FOXJ2: variants seen among roughly 807,000 people sequenced by gnomAD.
FOXJ2 encodes forkhead box protein J2.
A neutral mutation model predicts 68.4 loss-of-function variants in FOXJ2; 18 were observed. That is an observed-to-expected ratio of 0.26 (90% CI 0.18 to 0.39). The LOEUF (loss-of-function observed/expected upper bound fraction) is 0.39, where lower values mean the gene tolerates loss of function less well. FOXJ2 is among the 10% of genes least tolerant of loss of function. FOXJ2 has a pLI of 1.00. For synonymous variants in FOXJ2, 274 were observed against 263.2 expected (o/e 1.04, Z -0.40); for missense variants, 670 against 726.5 (o/e 0.92, Z 0.89).
intron 6 of FOXJ2, 117 bp from the exon 7 acceptor site, chr12:8,047,765 C>G (rs759810995): frequency 1.5e-6 from 2 of 1,341,714 alleles, no homozygotes; most frequent in Non-Finnish European, 2.0e-6. Flanking sequence ...CTAGAATGTT[C>G]TTACCCTTTT....
rs1258424689 is a variant in FOXJ2, at chr12:8,038,838, G to A, written c.-14-981G>A. On this transcript the variant is annotated intron_variant, in intron 1 of 10. Coordinates refer to ENST00000162391, the MANE Select transcript of FOXJ2 (RefSeq NM_018416.3). This position sits in a 1 kb window ranked among gnomAD's most constrained non-coding sequence, Gnocchi z 5.3. ...GTTTGCATGGAGGTGCAGCGAGCGT[G>A]CCTGCCTGGCTGGGAAGGAAGGAGG... is the stretch of plus-strand genomic sequence containing the variant. Among the ~76,000 whole-genome samples, 1 of 152,246 alleles carries A rather than the reference G, an allele frequency of 6.6e-6. No individual in the cohort carries two copies. Among genetic ancestry groups the A allele is most frequent in the Non-Finnish European group, 1.5e-5 (1 of 68,036 alleles).
At position 8,040,808 on chromosome 12, in the gene FOXJ2, T is replaced by C. The variant is rs1035562074; in HGVS notation, c.333+643T>C. ...CCATTCTACGATGTTCCAGTCACTG[T>C]GCAAGGCATGGCATCACTCCTTCCT... On this transcript the variant is annotated intron_variant, in intron 2 of 10. Coordinates refer to ENST00000162391, the MANE Select transcript of FOXJ2 (RefSeq NM_018416.3). The surrounding 1 kb of genome is among the most constrained non-coding windows in gnomAD (Gnocchi z 4.0). Among the ~76,000 whole-genome samples, 3 of 152,182 alleles carry C rather than the reference T, an allele frequency of 2.0e-5. No homozygotes were observed. The highest frequency in any genetic ancestry group is 7.2e-5 in the African/African-American group (3 of 41,438).
intron 5 of FOXJ2, 82 bp downstream of exon 5, chr12:8,044,173 T>C: frequency 1.4e-6 from 2 of 1,385,372 alleles, no homozygotes; most frequent in Non-Finnish European, 1.9e-6. Context: ...AATTATGTAT[T>C]GAGTATCTGT....
Position 8,040,096 on chromosome 12 carries a change from C to T in FOXJ2, c.264C>T (p.Thr88=). Reference sequence around the variant, plus strand: ...ACTCCTCTCCAGCCAAGAAGATGACCCTCAGCGAGATTTACCGCTGGATCT... The same window carrying T: ...ACTCCTCTCCAGCCAAGAAGATGACTCTCAGCGAGATTTACCGCTGGATCT... ...AINSSPAKKM[T]LSEIYRWICD... is the part of the protein sequence containing the mutation. Residue 88 remains threonine (T), a synonymous_variant, in exon 2 of 11, where the codon ACC becomes ACT. Coordinates refer to ENST00000162391, the MANE Select transcript of FOXJ2 (RefSeq NM_018416.3). The surrounding 1 kb of genome is among the most constrained non-coding windows in gnomAD (Gnocchi z 4.0). 2 of 1,614,162 alleles carry T rather than the reference C, an allele frequency of 1.2e-6. No homozygotes were observed. Among genetic ancestry groups the T allele is most frequent in the Non-Finnish European group, 1.7e-6 (2 of 1,180,030 alleles).
chr12:8,050,470 G>A, intron 9 of FOXJ2, 52 bp from the exon 10 acceptor site: 4 of 1,596,706 alleles, frequency 2.5e-6, no homozygotes, highest in South Asian at 1.1e-5. Flanking sequence ...GCTTTGTTGA[G>A]TACAGTGACC....
chr12:8,037,015 G>C (rs1591574714), intron 1 of FOXJ2, among the ~76,000 whole-genome samples: 1 of 152,330 alleles, frequency 6.6e-6, no homozygotes, highest in East Asian at 1.9e-4. Flanking sequence ...CTTGAACCTA[G>C]GAGATGGAGG....
At chr12:8,049,786 C>T (rs1187071819) in intron 9 of FOXJ2, 14 of 468,156 alleles carry the variant, frequency 3.0e-5, no homozygotes, top group Admixed American at 3.9e-5. Context: ...CCTTTTTAGA[C>T]CTCAGTTTGG....
At position 8,033,017 on chromosome 12, in the gene FOXJ2, CGCGAGCAACCTCTCCCCCTGTT is replaced by C. The variant is rs1376527330; in HGVS notation, c.-829_-808del. ...CCGGGAGCGGAGGCGGGAGCGGGGA[CGCGAGCAACCTCTCCCCCTGTT>C]GGAGAGAAAAGACCCTTACCACTCG... On this transcript the variant is annotated 5_prime_UTR_variant, in exon 1 of 11. Coordinates refer to ENST00000162391, the MANE Select transcript of FOXJ2 (RefSeq NM_018416.3). 2 of 396,432 alleles carry C rather than the reference CGCGAGCAACCTCTCCCCCTGTT, an allele frequency of 5.0e-6. No individual in the cohort carries two copies. The highest frequency in any genetic ancestry group is 4.1e-5 in the African/African-American group (2 of 48,484). The allele number at this position is 396,432 out of a possible 1,614,324, so 24.6% of individuals were successfully genotyped here. A position where few individuals can be genotyped will look rare whatever the true frequency, so the allele number is the denominator to read the frequency against.
chr12:8,047,718 T>A lies in FOXJ2; in HGVS notation c.818-164T>A, dbSNP rs561962272. On this transcript the variant is annotated intron_variant, in intron 6 of 10. Coordinates refer to ENST00000162391, the MANE Select transcript of FOXJ2 (RefSeq NM_018416.3). ...CTAACCTAAGTGCCTTCCTGTCTCT[T>A]GTACCTGCCAGGAGGGCCACAGGGA... Among the ~76,000 whole-genome samples the A allele has an allele frequency of 2.4e-4, 36 of 152,274 alleles. No individual in the cohort carries two copies. The South Asian group carries it at 7.2e-3, about 31-fold the overall frequency.
At position 8,035,602 on chromosome 12, in the gene FOXJ2, C is replaced by T. The variant is rs1001344986; in HGVS notation, c.-15+1769C>T. On this transcript the variant is annotated intron_variant, in intron 1 of 10. Transcript: ENST00000162391. The surrounding 1 kb of genome is among the most constrained non-coding windows in gnomAD (Gnocchi z 4.0). ...TATAAAGTACTTCACCAGATGCTGG[C>T]GTGCACCTGCCTGAATGGCTCAGGG... Among the ~76,000 whole-genome samples the T allele has an allele frequency of 6.6e-6, 1 of 152,168 alleles. No homozygotes were observed. The highest frequency in any genetic ancestry group is 1.5e-5 in the Non-Finnish European group (1 of 68,040).
Position 8,048,166 on chromosome 12 carries a change from C to G in FOXJ2, c.1102C>G (p.Pro368Ala). ...TCCCCCTGTAATGGCCATGCATCCACCCCCGCTGCAGCATGGAGGCTACCA... is the reference window on the plus strand; with the variant it reads ...TCCCCCTGTAATGGCCATGCATCCAGCCCCGCTGCAGCATGGAGGCTACCA... ...GPPPVMAMHP[P>A]PLQHGGYHPH... The change falls in exon 7 of 11, where the codon CCC (proline) becomes GCC (alanine). Residue 368 changes from proline (P) to alanine (A), a missense_variant. By Grantham distance (27) the Pro-to-Ala change is conservative (BLOSUM62 -1). Coordinates refer to ENST00000162391, the MANE Select transcript of FOXJ2 (RefSeq NM_018416.3). The G allele has an allele frequency of 6.2e-7, 1 of 1,613,936 alleles. No individual in the cohort carries two copies. The highest frequency in any genetic ancestry group is 8.5e-7 in the Non-Finnish European group (1 of 1,179,922).
intron 7 of FOXJ2, 75 bp downstream of exon 7, chr12:8,048,364 C>T: frequency 2.7e-6 from 4 of 1,498,090 alleles, no homozygotes; most frequent in East Asian, 2.3e-5. Flanking sequence ...CATGGAGGTG[C>T]AGTTAGTTAG....
At chr12:8,051,532 T>C (rs900606864) in intron 10 of FOXJ2, among the ~76,000 whole-genome samples, 1 of 152,186 alleles carries the variant, frequency 6.6e-6, no homozygotes, top group African/African-American at 2.4e-5. Flanking sequence ...CTTTGGAATC[T>C]AGATGGAAGA....
At position 8,051,673 on chromosome 12, in the gene FOXJ2, A is replaced by G. The variant is rs771106280; in HGVS notation, c.1636+1053A>G. ...GTATCTCTGATAGTGGGGGTGGGGC[A>G]GGGAGACACTAAATTGCCACAGACA... On this transcript the variant is annotated intron_variant, in intron 10 of 10. Coordinates refer to ENST00000162391, the MANE Select transcript of FOXJ2 (RefSeq NM_018416.3). Among the ~76,000 whole-genome samples, 61 of 152,270 alleles carry G rather than the reference A, an allele frequency of 4.0e-4. No individual in the cohort carries two copies. In the South Asian group the frequency reaches 0.012, roughly 30 times the overall value.
intron 10 of FOXJ2, among the ~76,000 whole-genome samples, chr12:8,050,830 C>A (rs777987103): frequency 8.2e-6 from 1 of 122,194 alleles, no homozygotes; most frequent in African/African-American, 3.1e-5. Context: ...CCCCTCCCTT[C>A]CCCTCCCTTC....
At position 8,039,803 on chromosome 12, in the gene FOXJ2, T is replaced by G. The variant is rs1162226104; in HGVS notation, c.-14-16T>G. On this transcript the variant is annotated splice_polypyrimidine_tract_variant and intron_variant, in intron 1 of 10. Transcript: ENST00000162391. ...TTGCCCCCAGTATTTTCGTCTCCTCTTTGTCTTCTCTGCAGAACCCAGAAG... is the reference window on the plus strand; with the variant it reads ...TTGCCCCCAGTATTTTCGTCTCCTCGTTGTCTTCTCTGCAGAACCCAGAAG... 6.3e-7 allele frequency: 1 copy of G among 1,588,656 alleles called. No homozygotes were observed. Among genetic ancestry groups the G allele is most frequent in the African/African-American group, 1.4e-5 (1 of 73,982 alleles).
Position 8,044,062 on chromosome 12 carries a change from A to G in FOXJ2, c.589A>G (p.Ser197Gly). 6.4e-7 allele frequency: 1 copy of G among 1,569,648 alleles called. No individual in the cohort carries two copies. Among genetic ancestry groups the G allele is most frequent in the Non-Finnish European group, 8.6e-7 (1 of 1,159,902 alleles). The change falls in exon 5 of 11, where the codon AGC becomes GGC. Residue 197 changes from serine (S) to glycine (G), a missense_variant. Coordinates refer to ENST00000162391, the MANE Select transcript of FOXJ2 (RefSeq NM_018416.3). Reference protein sequence around the residue: ...PEGNPQMSLQSPTSIASYSQG... With the variant: ...PEGNPQMSLQGPTSIASYSQG... ...GGGGAATCCGCAGATGTCACTTCAG[A>G]GCCCCACATCTATAGCCAGCTACAG... is the stretch of plus-strand genomic sequence containing the variant.
Position 8,039,875 on chromosome 12 carries a change from C to A in FOXJ2, c.43C>A (p.Leu15Ile), listed in dbSNP as rs1477490768. The change falls in exon 2 of 11, where the codon CTC becomes ATC. Residue 15 changes from leucine (L) to isoleucine (I), a missense_variant. By Grantham distance (5) the Leu-to-Ile change is conservative. Coordinates refer to ENST00000162391, the MANE Select transcript of FOXJ2 (RefSeq NM_018416.3). ...GAGTAGCCTCACCTCCATAGACTGG[C>A]TCCCCCAGCTGACCCTCCGAGCTAC... ...LESSLTSIDW[L>I]PQLTLRATIE... 5 of 1,614,142 alleles carry A rather than the reference C, an allele frequency of 3.1e-6. No individual in the cohort carries two copies. In the Admixed American group the frequency reaches 8.3e-5, roughly 27 times the overall value.
rs1433032886 is a variant in FOXJ2, at chr12:8,053,253, A to G, written c.*403A>G. Reference sequence around the variant, plus strand: ...TTTACCTTTCTCTTGGAGAAACTCAATGCTAATCCCACCTTTTGGCCCTAA... The same window carrying G: ...TTTACCTTTCTCTTGGAGAAACTCAGTGCTAATCCCACCTTTTGGCCCTAA... On this transcript the variant is annotated 3_prime_UTR_variant, in exon 11 of 11. Transcript: ENST00000162391. This position sits in a 1 kb window ranked among gnomAD's most constrained non-coding sequence, Gnocchi z 4.1. The G allele has an allele frequency of 6.6e-6, 1 of 152,604 alleles. No homozygotes were observed. Among genetic ancestry groups the G allele is most frequent in the Non-Finnish European group, 1.5e-5 (1 of 68,074 alleles). The allele number at this position is 152,604 out of a possible 1,614,324, so 9.5% of individuals were successfully genotyped here.
Sources: allele counts gnomAD v4.1 joint callset (sites outside exome capture counted in the v4.1 genomes callset), GRCh38; gene constraint gnomAD v4.1.1; non-coding constraint Gnocchi (gnomAD v3.1); transcripts MANE v1.5; gene names NCBI Gene and HGNC (gene_info 2026-07-23, HGNC 2026-07-21).